NAALADL2: variants seen among roughly 807,000 people sequenced by gnomAD.
NAALADL2 encodes inactive N-acetylated-alpha-linked acidic dipeptidase-like protein 2.
A neutral mutation model predicts 87.2 loss-of-function variants in NAALADL2; 76 were observed. The observed-to-expected ratio is 0.87, with a 90% CI of 0.72 to 1.05. The LOEUF is 1.05. NAALADL2 is among the 50% of genes least tolerant of loss of function. The pLI is 0.00. For synonymous variants in NAALADL2, 354 were observed against 331.0 expected, an observed-to-expected ratio of 1.07 and a Z score of -0.75; for missense variants, 1,089 against 945.8, an observed-to-expected ratio of 1.15 and a Z score of -1.99.
chr3:174,616,517 C>T (rs974799911), intron 2 of NAALADL2, among the ~76,000 whole-genome samples: 7 of 151,898 alleles, frequency 4.6e-5, no homozygotes, highest in African/African-American at 1.7e-4. Flanking sequence ...ATTAAGCTGG[C>T]AGTTGCAATT....
intron 11 of NAALADL2, among the ~76,000 whole-genome samples, chr3:175,736,541 C>T (rs940214113): frequency 4.6e-5 from 7 of 152,272 alleles, no homozygotes; most frequent in Admixed American, 2.6e-4. Flanking sequence ...GAGGAAGACT[C>T]CTCATATCAG....
At chr3:175,368,048 G>T (rs1450648782) in intron 5 of NAALADL2, among the ~76,000 whole-genome samples, 1 of 152,088 alleles carries the variant, frequency 6.6e-6, no homozygotes, top group African/African-American at 2.4e-5. Flanking sequence ...CTAATTTATT[G>T]AGAGTTTTTA....
Position 175,467,058 on chromosome 3 carries a change from A to G in NAALADL2, c.1407A>G (p.Ile469Met), listed in dbSNP as rs1390569254. The change falls in exon 8 of 14, where the codon ATA becomes ATG. Residue 469 changes from isoleucine (I) to methionine (M), a missense_variant. Physicochemically the swap from Ile to Met is conservative, Grantham distance 10 (BLOSUM62 1). Transcript: ENST00000454872. ...NGQEWASSTA[I>M]ITAFIRALMS... Reference sequence around the variant, plus strand: ...AAGAATGGGCCAGTAGTACTGCAATAATCACAGCGTTTATCCGTGCCTTGA... The same window carrying G: ...AAGAATGGGCCAGTAGTACTGCAATGATCACAGCGTTTATCCGTGCCTTGA... The G allele has an allele frequency of 1.2e-6, 2 of 1,613,870 alleles. No individual in the cohort carries two copies. The highest frequency in any genetic ancestry group is 2.2e-5 in the South Asian group (2 of 91,072).
intron 10 of NAALADL2, among the ~76,000 whole-genome samples, chr3:175,609,950 T>G (rs1724382189): frequency 6.6e-6 from 1 of 152,112 alleles, no homozygotes; most frequent in Admixed American, 6.5e-5. Flanking sequence ...TTATACTGGG[T>G]AAATCAGTCA....
At chr3:175,770,750 A>G (rs1036112538) in intron 13 of NAALADL2, among the ~76,000 whole-genome samples, 2 of 152,192 alleles carry the variant, frequency 1.3e-5, no homozygotes, top group South Asian at 2.1e-4. Flanking sequence ...TGCTAACTCA[A>G]TCTAATTTTA....
At chr3:174,481,363 G>T (rs1192338723) in intron 1 of NAALADL2, among the ~76,000 whole-genome samples, 1 of 152,062 alleles carries the variant, frequency 6.6e-6, no homozygotes, top group Non-Finnish European at 1.5e-5. Context: ...GACATCCTAA[G>T]CCAACTTGGA....
At chr3:175,649,870 T>C (rs1348301246) in intron 11 of NAALADL2, among the ~76,000 whole-genome samples, 1 of 152,144 alleles carries the variant, frequency 6.6e-6, no homozygotes, top group Admixed American at 6.5e-5. Context: ...ATATTTACTA[T>C]TCATATCAAC....
At chr3:174,607,585 G>A (rs986317168) in intron 2 of NAALADL2, among the ~76,000 whole-genome samples, 1 of 151,002 alleles carries the variant, frequency 6.6e-6, no homozygotes, top group African/African-American at 2.4e-5. Flanking sequence ...ATTACATAAT[G>A]GTAAAGGGAT....
intron 9 of NAALADL2, among the ~76,000 whole-genome samples, chr3:175,475,204 G>A (rs952504354): frequency 2.0e-5 from 3 of 151,964 alleles, no homozygotes; most frequent in African/African-American, 7.2e-5. Context: ...ATTTCTTGGG[G>A]GGATAAAAGC....
chr3:174,844,419 T>A (rs1724362175), intron 3 of NAALADL2, among the ~76,000 whole-genome samples: 1 of 152,168 alleles, frequency 6.6e-6, no homozygotes, highest in Non-Finnish European at 1.5e-5. Flanking sequence ...TGAAGTTAGG[T>A]AATGAGTGTG....
chr3:174,670,668 A>AG (rs1183154382), intron 2 of NAALADL2, among the ~76,000 whole-genome samples: 3 of 152,104 alleles, frequency 2.0e-5, no homozygotes, highest in South Asian at 2.1e-4. Flanking sequence ...ATTGAACTGT[A>AG]GGAAATTATT....
chr3:175,237,629 C>A (rs116481307), intron 3 of NAALADL2, among the ~76,000 whole-genome samples: 1,846 of 152,170 alleles, frequency 0.012, 16 homozygotes, highest in Admixed American at 0.017. Context: ...ATATGTGGTT[C>A]TTTCCTCTTC....
At chr3:175,341,983 G>C (rs1468720430) in intron 5 of NAALADL2, among the ~76,000 whole-genome samples, 1 of 152,054 alleles carries the variant, frequency 6.6e-6, no homozygotes, top group Non-Finnish European at 1.5e-5. Context: ...ATTAAGCATA[G>C]ATGTATGGGT....
At chr3:175,243,916 A>G (rs1385966020) in intron 3 of NAALADL2, among the ~76,000 whole-genome samples, 1 of 152,158 alleles carries the variant, frequency 6.6e-6, no homozygotes, top group Non-Finnish European at 1.5e-5. Context: ...TTTGAAATAT[A>G]AACCTTCCTG....
At position 175,097,351 on chromosome 3, in the gene NAALADL2, G is replaced by A. The variant is rs899392451; in HGVS notation, c.545+60G>A. 3.6e-5 allele frequency: 53 copies of A among 1,483,314 alleles called. No homozygotes were observed. In the Admixed American group the frequency reaches 9.4e-4, roughly 26 times the overall value. 91.9% of individuals were successfully genotyped at this position (1,483,314 alleles called of 1,614,324 possible). A position where few individuals can be genotyped will look rare whatever the true frequency, so the allele number is the denominator to read the frequency against. On this transcript the variant is annotated intron_variant, in intron 2 of 13. Coordinates refer to ENST00000454872, the MANE Select transcript of NAALADL2 (RefSeq NM_207015.3). Reference sequence around the variant, plus strand: ...ATTTCTTGGGAAAAATGTCTCACAGGGGGTATTGAACTGATGATTTTTCAT... The same window carrying A: ...ATTTCTTGGGAAAAATGTCTCACAGAGGGTATTGAACTGATGATTTTTCAT...
chr3:175,432,322 A>C (rs1178424800), intron 5 of NAALADL2, among the ~76,000 whole-genome samples: 1 of 152,020 alleles, frequency 6.6e-6, no homozygotes, highest in East Asian at 1.9e-4. Context: ...AATACAATAC[A>C]TTGTGAAACA....
At chr3:175,326,765 G>A (rs1026751923) in intron 5 of NAALADL2, among the ~76,000 whole-genome samples, 1 of 152,104 alleles carries the variant, frequency 6.6e-6, no homozygotes, top group Non-Finnish European at 1.5e-5. Context: ...TTTATAACAT[G>A]CCCCTCAAAA....
At chr3:174,793,240 A>G in intron 3 of NAALADL2, among the ~76,000 whole-genome samples, 1 of 152,232 alleles carries the variant, frequency 6.6e-6, no homozygotes, top group East Asian at 1.9e-4. Context: ...TATGTTTTAT[A>G]TTGTTAAATA....
chr3:175,422,546 G>A (rs9872034), intron 5 of NAALADL2, among the ~76,000 whole-genome samples: 86,454 of 151,460 alleles, frequency 0.57, 25,360 homozygotes, highest in East Asian at 0.66. Flanking sequence ...AAAATCCTCC[G>A]CCAACCTAGA....
Sources: allele counts gnomAD v4.1 joint callset (sites outside exome capture counted in the v4.1 genomes callset), GRCh38; gene constraint gnomAD v4.1.1; transcripts MANE v1.5; gene names NCBI Gene and HGNC (gene_info 2026-07-23, HGNC 2026-07-21).